The following COL4A6 variants were observed in gnomAD, a reference collection of about 807,000 sequenced individuals.
The protein encoded by COL4A6 is collagen type IV alpha 6 chain.
COL4A6 carries 59 observed loss-of-function variants against 126.7 expected under a neutral mutation model. The observed-to-expected ratio is 0.47, with a 90% confidence interval of 0.38 to 0.58. The LOEUF is 0.58. Ranked by LOEUF, COL4A6 falls within the 20% of genes least tolerant of loss-of-function variation. COL4A6 has a pLI of 0.00. For missense variants in COL4A6, 1,285 were observed against 1,337.3 expected, an observed-to-expected ratio of 0.96 and a Z score of 0.61; for synonymous variants, 547 against 496.6, an observed-to-expected ratio of 1.10 and a Z score of -1.35.
intron 2 of COL4A6, among the ~76,000 whole-genome samples, chrX:108,380,874 A>G (rs1603194859): frequency 8.9e-6 from 1 of 112,058 alleles, no homozygotes; most frequent in East Asian, 2.8e-4. Context: ...AGAGGATAAT[A>G]ATATACTCCA....
chrX:108,273,167 G>A (rs976009941), intron 3 of COL4A6, among the ~76,000 whole-genome samples: 57 of 110,512 alleles, frequency 5.2e-4, no homozygotes, highest in African/African-American at 1.4e-3. Flanking sequence ...AAAAGTGGGC[G>A]AAGGATATGA....
At chrX:108,192,312 C>T (rs1037868657) in intron 18 of COL4A6, among the ~76,000 whole-genome samples, 161 bp downstream of exon 18, 2 of 112,589 alleles carry the variant, frequency 1.8e-5, no homozygotes, top group African/African-American at 6.5e-5. Context: ...CCCCCACATA[C>T]GTTAGCCTTG....
chrX:108,342,403 G>C (rs190742570), intron 2 of COL4A6, among the ~76,000 whole-genome samples: 1 of 111,610 alleles, frequency 9.0e-6, no homozygotes, highest in Admixed American at 9.5e-5. Flanking sequence ...GCTAATAAAT[G>C]ATATATCCCT....
At chrX:108,177,073 C>T in intron 27 of COL4A6, 62 bp from the exon 28 acceptor site, 1 of 1,053,944 alleles carries the variant, frequency 9.5e-7, no homozygotes, top group Non-Finnish European at 1.3e-6. Flanking sequence ...CAGATCTGGG[C>T]CACTGCCTAT....
intron 3 of COL4A6, among the ~76,000 whole-genome samples, chrX:108,290,805 C>A (rs1431542756): frequency 8.9e-6 from 1 of 112,359 alleles, no homozygotes; most frequent in Non-Finnish European, 1.9e-5. Flanking sequence ...GAGAGCAGAG[C>A]TAAATCCTTT....
At chrX:108,288,776 C>T (rs1384215337) in intron 3 of COL4A6, among the ~76,000 whole-genome samples, 1 of 110,763 alleles carries the variant, frequency 9.0e-6, no homozygotes, top group Non-Finnish European at 1.9e-5. Context: ...AAATGATAAG[C>T]TTTACTGGTA....
At chrX:108,349,190 A>T (rs2039784301) in intron 2 of COL4A6, among the ~76,000 whole-genome samples, 5 of 111,812 alleles carry the variant, frequency 4.5e-5, no homozygotes, top group Admixed American at 2.8e-4. Context: ...AAAACTTTTC[A>T]TTTGTACGAA....
At chrX:108,226,801 A>G (rs142569554) in intron 3 of COL4A6, among the ~76,000 whole-genome samples, 9 of 110,744 alleles carry the variant, frequency 8.1e-5, no homozygotes, top group Non-Finnish European at 1.5e-4. Context: ...CATCCGATCC[A>G]TTAGCAAGGA....
At chrX:108,228,744 G>A (rs1334707283) in intron 3 of COL4A6, among the ~76,000 whole-genome samples, 2 of 112,137 alleles carry the variant, frequency 1.8e-5, no homozygotes, top group Non-Finnish European at 3.8e-5. Context: ...ACAGCATGGA[G>A]GTAACCAGCC....
chrX:108,337,513 G>A (rs781417852), intron 2 of COL4A6, among the ~76,000 whole-genome samples: 16 of 112,970 alleles, frequency 1.4e-4, no homozygotes, highest in African/African-American at 4.8e-4. Flanking sequence ...GTTCTTGCTC[G>A]TGAAGCGAGG....
At chrX:108,262,620 C>T (rs2037195303) in intron 3 of COL4A6, among the ~76,000 whole-genome samples, 1 of 111,526 alleles carries the variant, frequency 9.0e-6, no homozygotes, top group Non-Finnish European at 1.9e-5. Flanking sequence ...CCATGCAAGG[C>T]TGATTGTCTG....
intron 2 of COL4A6, among the ~76,000 whole-genome samples, chrX:108,332,936 C>G (rs1287362878): frequency 9.1e-6 from 1 of 110,280 alleles, no homozygotes; most frequent in South Asian, 3.8e-4. Context: ...AGTATTTTTC[C>G]TAGTTTTTTT....
At chrX:108,338,012 C>A (rs912124349) in intron 2 of COL4A6, among the ~76,000 whole-genome samples, 1 of 110,519 alleles carries the variant, frequency 9.0e-6, no homozygotes, top group Non-Finnish European at 1.9e-5. Context: ...GTCCAATTAG[C>A]TGGACCAACC....
At chrX:108,374,540 G>A (rs936908923) in intron 2 of COL4A6, among the ~76,000 whole-genome samples, 13 of 111,862 alleles carry the variant, frequency 1.2e-4, no homozygotes, top group African/African-American at 3.9e-4. Context: ...TGTCAATCAC[G>A]TCCTATTTTC....
chrX:108,438,039 G>A (rs2064302328), intron 1 of COL4A6, 46 bp from the exon 2 acceptor site: 7 of 1,200,134 alleles, frequency 5.8e-6, no homozygotes, highest in Non-Finnish European at 7.9e-6. Context: ...AGGCTTCGGG[G>A]TCGTGCGTCT....
At chrX:108,394,086 T>C (rs2040902220) in intron 2 of COL4A6, among the ~76,000 whole-genome samples, 1 of 112,307 alleles carries the variant, frequency 8.9e-6, no homozygotes, top group Non-Finnish European at 1.9e-5. Context: ...CATGGAATAC[T>C]ATGCAGCCAT....
rs181207854 is a variant in COL4A6, at chrX:108,206,956, G to A, written c.547-376C>T. Among the ~76,000 whole-genome samples the A allele has an allele frequency of 1.0e-3, 117 of 111,537 alleles. 5 individuals carry two copies. In the East Asian group the frequency reaches 0.032, roughly 31 times the overall value. ...GTGGTTGCCTTTGGGGTGAATTGGG[G>A]CAGAGATTGACAGGGAATGAGCAGG... On this transcript the variant is annotated intron_variant, in intron 8 of 44. Transcript: ENST00000334504.
chrX:108,243,714 T>C (rs925835007), intron 3 of COL4A6, among the ~76,000 whole-genome samples: 1 of 112,057 alleles, frequency 8.9e-6, no homozygotes, highest in Non-Finnish European at 1.9e-5. Context: ...CTGCTCTAAA[T>C]AGTAGTTGAA....
Position 108,251,278 on chromosome X carries a change from A to G in COL4A6, c.145-29904T>C, listed in dbSNP as rs771960077. 2.7e-5 allele frequency among the ~76,000 whole-genome samples: 3 copies of G among 112,040 alleles called. No homozygotes were observed. In the South Asian group the frequency reaches 1.1e-3, roughly 42 times the overall value. On this transcript the variant is annotated intron_variant, in intron 3 of 44. Coordinates refer to ENST00000334504, the MANE Select transcript of COL4A6 (RefSeq NM_033641.4). ...AACTGATTCCCTAATATGTCAATCA[A>G]ACTGATTCCCTAATGTATCAACCAA...
Sources: allele counts gnomAD v4.1 joint callset (sites outside exome capture counted in the v4.1 genomes callset), GRCh38; gene constraint gnomAD v4.1.1; transcripts MANE v1.5; gene names NCBI Gene and HGNC (gene_info 2026-07-23, HGNC 2026-07-21).